ZFHX3: variants seen among roughly 807,000 people sequenced by gnomAD.
The protein encoded by ZFHX3 is zinc finger homeobox protein 3.
In ZFHX3, 42 loss-of-function variants were observed where a neutral mutation model predicts 279.1. The observed-to-expected ratio is 0.15, with a 90% CI of 0.12 to 0.19. The LOEUF is 0.19. Ranked by LOEUF, ZFHX3 falls within the 10% of genes least tolerant of loss-of-function variation. The pLI, the probability that ZFHX3 is intolerant of heterozygous loss-of-function variation, is 1.00. For missense variants in ZFHX3, 4,981 were observed against 4,754.0 expected, an observed-to-expected ratio of 1.05 and a Z score of -1.40; for synonymous variants, 2,293 against 1,957.8, an observed-to-expected ratio of 1.17 and a Z score of -4.52.
At chr16:73,541,786 C>CTTTTTTTTT (rs546761843) in intron 2 of ZFHX3, among the ~76,000 whole-genome samples, 5 of 88,142 alleles carry the variant, frequency 5.7e-5, no homozygotes, top group African/African-American at 2.0e-4. Flanking sequence ...TGGTGGTTCT[C>CTTTTTTTTT]TTTTTTTTTT....
intron 5 of ZFHX3, among the ~76,000 whole-genome samples, chr16:73,250,988 G>A (rs2013469474): frequency 6.6e-6 from 1 of 151,964 alleles, no homozygotes; most frequent in Non-Finnish European, 1.5e-5. Flanking sequence ...TGCAATCTGA[G>A]TCATGTGTAC....
intron 2 of ZFHX3, among the ~76,000 whole-genome samples, chr16:73,625,366 G>A (rs538340188): frequency 1.2e-4 from 18 of 152,322 alleles, no homozygotes; most frequent in South Asian, 4.1e-4. Context: ...AACTCAATGT[G>A]TTCATACTTA....
intron 3 of ZFHX3, among the ~76,000 whole-genome samples, chr16:72,928,793 T>A (rs1196564735): frequency 1.3e-5 from 2 of 152,182 alleles, no homozygotes; most frequent in African/African-American, 4.8e-5. Context: ...AGACCCCATC[T>A]CTACCATAAA....
chr16:72,806,400 T>G (rs895991070), intron 7 of ZFHX3, among the ~76,000 whole-genome samples: 26 of 152,188 alleles, frequency 1.7e-4, no homozygotes, highest in African/African-American at 6.3e-4. Context: ...GAGAATGAAT[T>G]GGAGAGAAAA....
intron 2 of ZFHX3, among the ~76,000 whole-genome samples, chr16:73,673,986 A>G (rs2052929315): frequency 6.6e-6 from 1 of 152,170 alleles, no homozygotes; most frequent in East Asian, 1.9e-4. Context: ...GTGATTGGCT[A>G]CTACACAAAA....
At position 73,721,207 on chromosome 16, in the gene ZFHX3, C is replaced by T. The variant is rs534336406; in HGVS notation, c.-1607-40967G>A. ...CGGGATCTCGGCTCACTGCAACTTC[C>T]GCCTCCCGGGTTCAAGCGATTGTCC... On this transcript the variant is annotated intron_variant, in intron 1 of 17. Coordinates refer to the ZFHX3 transcript ENST00000641206. Among the ~76,000 whole-genome samples, 203 of 149,578 alleles carry T rather than the reference C, an allele frequency of 1.4e-3. 2 individuals carry two copies. The highest frequency in any genetic ancestry group is 2.1e-3 in the Non-Finnish European group (140 of 67,232).
At chr16:73,695,818 C>T (rs909575944) in intron 1 of ZFHX3, among the ~76,000 whole-genome samples, 1 of 152,232 alleles carries the variant, frequency 6.6e-6, no homozygotes, top group South Asian at 2.1e-4. Context: ...TCTAGGGTAC[C>T]CATTTGTCTC....
intron 3 of ZFHX3, among the ~76,000 whole-genome samples, chr16:73,383,339 T>C (rs1597310617): frequency 1.3e-5 from 2 of 152,210 alleles, no homozygotes; most frequent in Admixed American, 1.3e-4. Flanking sequence ...TCTGCAAGGT[T>C]TAGGAAGCCC....
At chr16:72,935,870 A>AAACAGATCC (rs1960096193) in intron 3 of ZFHX3, among the ~76,000 whole-genome samples, 16 of 152,214 alleles carry the variant, frequency 1.1e-4, no homozygotes, top group Admixed American at 8.5e-4. Flanking sequence ...TAAGGATCTT[A>AAACAGATCC]CAACTAAGCA....
chr16:73,319,352 G>A (rs946620809), intron 3 of ZFHX3, among the ~76,000 whole-genome samples: 3 of 151,986 alleles, frequency 2.0e-5, no homozygotes, highest in East Asian at 1.9e-4. Context: ...CTCTCGCCAC[G>A]TGGTTGGAAT....
chr16:72,877,608 A>T (rs2038348115), intron 4 of ZFHX3, among the ~76,000 whole-genome samples: 1 of 152,208 alleles, frequency 6.6e-6, no homozygotes, highest in African/African-American at 2.4e-5. Context: ...CCTCAAGTTA[A>T]AAGGACAAAA....
intron 5 of ZFHX3, among the ~76,000 whole-genome samples, chr16:73,180,414 A>G (rs1967764858): frequency 6.6e-6 from 1 of 152,204 alleles, no homozygotes; most frequent in South Asian, 2.1e-4. Context: ...GCTGCTCTGT[A>G]TACTCTACCT....
chr16:73,472,620 G>A (rs145594941), intron 2 of ZFHX3, among the ~76,000 whole-genome samples: 187 of 152,264 alleles, frequency 1.2e-3, no homozygotes, highest in Middle Eastern at 6.8e-3. Context: ...CCGTCCTACC[G>A]TCTGTGCCAT....
intron 4 of ZFHX3, among the ~76,000 whole-genome samples, chr16:73,309,414 CT>C (rs1425663763): frequency 6.6e-6 from 1 of 152,132 alleles, no homozygotes; most frequent in Non-Finnish European, 1.5e-5. Context: ...TAATCTCATT[CT>C]TTTTTATGGC....
At chr16:73,317,654 G>A (rs11648797) in intron 4 of ZFHX3, among the ~76,000 whole-genome samples, 62,302 of 152,008 alleles carry the variant, frequency 0.41, 13,022 homozygotes, top group Non-Finnish European at 0.47. Flanking sequence ...GGGGCCAGCA[G>A]TACCTCGTAA....
At chr16:73,678,993 T>A (rs1022216236) in intron 2 of ZFHX3, among the ~76,000 whole-genome samples, 6 of 152,128 alleles carry the variant, frequency 3.9e-5, no homozygotes, top group African/African-American at 1.4e-4. Flanking sequence ...ATATCTAGGG[T>A]CAAGCACATC....
chr16:72,959,729 G>A lies in ZFHX3; in HGVS notation c.417C>T (p.Gly139=), dbSNP rs1401037757. Residue 139 remains glycine, a synonymous_variant, in exon 2 of 10, where the codon GGC becomes GGT. Coordinates refer to ENST00000268489, the MANE Select transcript of ZFHX3 (RefSeq NM_006885.4). ...TCAGGCTCTCCACAATGTACGCGGA[G>A]CCGTCCGGCTGGTAGACGATCTCCC... The part of the protein sequence containing the change: ...LAGEIVYQPD[G]SAYIVESLSQ... 3.1e-6 allele frequency: 5 copies of A among 1,613,406 alleles called. No homozygotes were observed. The highest frequency in any genetic ancestry group is 4.2e-6 in the Non-Finnish European group (5 of 1,179,636).
chr16:73,745,462 G>C (rs1230124873), intron 1 of ZFHX3, among the ~76,000 whole-genome samples: 2 of 152,178 alleles, frequency 1.3e-5, no homozygotes, highest in East Asian at 3.8e-4. Flanking sequence ...TCATGGGTCA[G>C]GAACTAAAGT....
At chr16:73,411,839 A>G (rs904556805) in intron 3 of ZFHX3, among the ~76,000 whole-genome samples, 6 of 152,144 alleles carry the variant, frequency 3.9e-5, no homozygotes, top group African/African-American at 1.2e-4. Context: ...ATGAATTTCT[A>G]TGGCCTGCCT....
Sources: gnomAD v4.1 joint callset for allele counts (sites outside exome capture counted in the v4.1 genomes callset) on GRCh38, gnomAD v4.1.1 for gene constraint, MANE v1.5 for transcripts, NCBI Gene and HGNC (gene_info 2026-07-23, HGNC 2026-07-21) for gene names.